SEPTIN9: variants seen among roughly 807,000 people sequenced by gnomAD.
The protein encoded by SEPTIN9 is septin-9.
A neutral mutation model predicts 56.6 loss-of-function variants in SEPTIN9; 13 were observed. The observed-to-expected ratio is 0.23, with a 90% confidence interval of 0.15 to 0.37. The LOEUF (loss-of-function observed/expected upper bound fraction) is 0.37, where lower values mean the gene tolerates loss of function less well. Ranked by LOEUF, SEPTIN9 falls within the 10% of genes least tolerant of loss-of-function variation. The pLI is 1.00. For synonymous variants in SEPTIN9, 332 were observed against 334.1 expected, an observed-to-expected ratio of 0.99 and a Z score of 0.07; for missense variants, 650 against 823.1, an observed-to-expected ratio of 0.79 and a Z score of 2.57.
At position 77,475,765 on chromosome 17, in the gene SEPTIN9, G is replaced by A. The variant is rs771050526; in HGVS notation, c.722-6379G>A. The A allele has an allele frequency of 2.7e-5, 44 of 1,612,910 alleles. No individual in the cohort carries two copies. The highest frequency in any genetic ancestry group is 4.4e-5 in the South Asian group (4 of 91,086). ...ATGCCGGCAGCTTTCTCCTGGACAC[G>A]GGCCTGGAAGGCTGACAGGGTGTGG... On this transcript the variant is annotated intron_variant, in intron 3 of 11. Coordinates refer to ENST00000427177, the MANE Select transcript of SEPTIN9 (RefSeq NM_001113491.2). This position sits in a 1 kb window ranked among gnomAD's most constrained non-coding sequence, Gnocchi z 4.6.
intron 3 of SEPTIN9, among the ~76,000 whole-genome samples, chr17:77,415,627 CAA>C (rs772446190): frequency 1.1e-4 from 7 of 63,210 alleles, no homozygotes; most frequent in Admixed American, 6.5e-4. Context: ...GACTATGTCT[CAA>C]AAAAAAAAAA....
intron 2 of SEPTIN9, among the ~76,000 whole-genome samples, chr17:77,382,290 A>G (rs997665117): frequency 2.0e-5 from 3 of 152,156 alleles, no homozygotes; most frequent in Non-Finnish European, 4.4e-5. Flanking sequence ...TGGCTTCCCA[A>G]AGTGCTGGGA....
At chr17:77,335,564 G>C (rs552049723) in intron 2 of SEPTIN9, among the ~76,000 whole-genome samples, 1 of 150,328 alleles carries the variant, frequency 6.7e-6, no homozygotes, top group Non-Finnish European at 1.5e-5. Flanking sequence ...TATGTTGACT[G>C]TATATGTAGT....
chr17:77,396,276 C>T (rs2035709889), intron 2 of SEPTIN9, among the ~76,000 whole-genome samples: 1 of 152,228 alleles, frequency 6.6e-6, no homozygotes, highest in South Asian at 2.1e-4. Flanking sequence ...CTGTGTCCTT[C>T]AGTTGCATTA....
chr17:77,488,442 G>A, intron 6 of SEPTIN9, 121 bp downstream of exon 6: 1 of 950,836 alleles, frequency 1.1e-6, no homozygotes, highest in Non-Finnish European at 1.7e-6. Context: ...CCTGGGACCT[G>A]ACATGCTGCC....
At chr17:77,344,833 A>G (rs2033837475) in intron 2 of SEPTIN9, among the ~76,000 whole-genome samples, 2 of 152,024 alleles carry the variant, frequency 1.3e-5, no homozygotes, top group Admixed American at 6.6e-5. Flanking sequence ...TTAGCCAGGC[A>G]TGGGGGCATG....
intron 7 of SEPTIN9, among the ~76,000 whole-genome samples, chr17:77,489,821 G>A (rs1043096835): frequency 2.6e-5 from 4 of 152,186 alleles, no homozygotes; most frequent in African/African-American, 9.7e-5. Context: ...GGGCCAGCCC[G>A]CTGTCCATGG....
chr17:77,393,877 C>T (rs769656268), intron 2 of SEPTIN9, among the ~76,000 whole-genome samples: 2 of 152,194 alleles, frequency 1.3e-5, no homozygotes, highest in Non-Finnish European at 2.9e-5. Context: ...TGAGCCACCG[C>T]GCCTGGCCTC....
At chr17:77,331,320 G>C (rs1011170059) in intron 2 of SEPTIN9, among the ~76,000 whole-genome samples, 2 of 152,182 alleles carry the variant, frequency 1.3e-5, no homozygotes, top group African/African-American at 4.8e-5. Context: ...AGAGGAAGAG[G>C]CTGGGGTGAT....
intron 2 of SEPTIN9, among the ~76,000 whole-genome samples, chr17:77,345,983 C>T (rs2033879576): frequency 6.6e-6 from 1 of 151,736 alleles, no homozygotes; most frequent in African/African-American, 2.4e-5. Context: ...GAGCATCCTG[C>T]TCTGTTGCCC....
chr17:77,378,265 G>A (rs985842686), intron 2 of SEPTIN9, among the ~76,000 whole-genome samples: 2 of 152,210 alleles, frequency 1.3e-5, no homozygotes, highest in Admixed American at 1.3e-4. Flanking sequence ...CAGAGGGGCA[G>A]TGCTTTGGAG....
intron 3 of SEPTIN9, among the ~76,000 whole-genome samples, chr17:77,406,678 T>G (rs1195868873): frequency 6.6e-6 from 1 of 151,930 alleles, no homozygotes; most frequent in Non-Finnish European, 1.5e-5. Context: ...TTTTTTTGTT[T>G]TTTGTTTTTT....
rs1381864507 is a variant in SEPTIN9 at position 77,425,959 on chromosome 17, G to A, written c.721+23256G>A. ...CCCTGTGCAGAGGGGAGTGTGTGCG[G>A]CTGTGAGTTCAGGCCATGCCCTCAG... On this transcript the variant is annotated intron_variant, in intron 3 of 11. Transcript: ENST00000427177. This position sits in a 1 kb window ranked among gnomAD's most constrained non-coding sequence, Gnocchi z 4.2. Among the ~76,000 whole-genome samples the A allele has an allele frequency of 6.6e-6, 1 of 152,190 alleles. No homozygotes were observed. Among genetic ancestry groups the A allele is most frequent in the African/African-American group, 2.4e-5 (1 of 41,448 alleles).
Position 77,329,064 on chromosome 17 carries a change from C to T in SEPTIN9, c.76+21867C>T, listed in dbSNP as rs560770848. Among the ~76,000 whole-genome samples the T allele has an allele frequency of 2.0e-5, 3 of 152,286 alleles. No homozygotes were observed. In the South Asian group the frequency reaches 6.2e-4, roughly 32 times the overall value. ...AGTGGCTGGAGTGTGTTTTCAGAGA[C>T]GGGCCATGGTGACACCAATGCGACA... is the stretch of plus-strand genomic sequence containing the variant. On this transcript the variant is annotated intron_variant, in intron 2 of 11. Transcript: ENST00000427177. The surrounding 1 kb of genome is among the most constrained non-coding windows in gnomAD (Gnocchi z 4.3).
At chr17:77,339,251 A>G (rs897320108) in intron 2 of SEPTIN9, among the ~76,000 whole-genome samples, 2 of 152,224 alleles carry the variant, frequency 1.3e-5, no homozygotes. Flanking sequence ...GAAGGTTTTC[A>G]ATTTACTTTG....
At chr17:77,431,285 G>A (rs2037123620) in intron 3 of SEPTIN9, among the ~76,000 whole-genome samples, 2 of 152,124 alleles carry the variant, frequency 1.3e-5, no homozygotes, top group Admixed American at 6.6e-5. Context: ...TCCAGCTCCT[G>A]GGTGACAGGA....
intron 1 of SEPTIN9, among the ~76,000 whole-genome samples, chr17:77,295,680 A>C (rs553492741): frequency 2.6e-5 from 4 of 152,084 alleles, no homozygotes; most frequent in Non-Finnish European, 5.9e-5. Flanking sequence ...GGATGTGCAA[A>C]CAGGAGCTCC....
intron 2 of SEPTIN9, among the ~76,000 whole-genome samples, chr17:77,397,659 C>CT (rs945713750): frequency 7.2e-5 from 11 of 151,898 alleles, no homozygotes; most frequent in African/African-American, 1.2e-4. Context: ...GTGATCCAGC[C>CT]TTTTTTTTGA....
intron 2 of SEPTIN9, among the ~76,000 whole-genome samples, chr17:77,347,598 A>G (rs1173149926): frequency 1.3e-5 from 2 of 151,704 alleles, no homozygotes; most frequent in African/African-American, 4.8e-5. Flanking sequence ...ATTGATATTT[A>G]TGTAGCCTCT....
Sources: gnomAD v4.1 joint callset for allele counts (sites outside exome capture counted in the v4.1 genomes callset) on GRCh38, gnomAD v4.1.1 for gene constraint, Gnocchi (gnomAD v3.1) non-coding constraint, MANE v1.5 for transcripts, NCBI Gene and HGNC (gene_info 2026-07-23, HGNC 2026-07-21) for gene names.